Variants in LEKR1 observed in about 807,000 individuals in gnomAD.
LEKR1 encodes the protein leucine, glutamate and lysine rich 1.
A neutral mutation model predicts 72.4 loss-of-function variants in LEKR1; 59 were observed. The observed-to-expected ratio is 0.82, with a 90% CI of 0.66 to 1.01. The LOEUF is 1.01. LEKR1 is among the 50% of genes least tolerant of loss of function. The probability of loss-of-function intolerance (pLI) is 0.00; values close to 1 mark genes in which losing one functional copy is unlikely to be tolerated. For missense variants in LEKR1, 728 were observed against 759.2 expected, an observed-to-expected ratio of 0.96 and a Z score of 0.48; for synonymous variants, 257 against 263.2, an observed-to-expected ratio of 0.98 and a Z score of 0.23.
intron 12 of LEKR1, among the ~76,000 whole-genome samples, chr3:157,029,722 A>G (rs1734467319): frequency 6.6e-6 from 1 of 152,186 alleles, no homozygotes; most frequent in Non-Finnish European, 1.5e-5. Flanking sequence ...GCTCTGCTAG[A>G]GAAACCCTGA....
chr3:156,859,303 A>G (rs890278107), intron 3 of LEKR1, among the ~76,000 whole-genome samples: 4 of 152,206 alleles, frequency 2.6e-5, no homozygotes, highest in African/African-American at 9.6e-5. Flanking sequence ...ATATAAAACC[A>G]TCTTTTTAGA....
intron 12 of LEKR1, among the ~76,000 whole-genome samples, chr3:157,043,714 C>T (rs1160225352): frequency 6.6e-6 from 1 of 152,182 alleles, no homozygotes; most frequent in African/African-American, 2.4e-5. Flanking sequence ...TCTATTCCCT[C>T]CTCCCCTGCC....
chr3:156,994,318 C>T (rs1000361247), intron 9 of LEKR1, among the ~76,000 whole-genome samples: 1 of 152,094 alleles, frequency 6.6e-6, no homozygotes, highest in Admixed American at 6.6e-5. Context: ...CTTGCCAACA[C>T]TGTTCCCTGG....
chr3:156,903,972 C>G (rs1198303650), intron 3 of LEKR1, among the ~76,000 whole-genome samples: 3 of 152,150 alleles, frequency 2.0e-5, no homozygotes, highest in Non-Finnish European at 4.4e-5. Flanking sequence ...TGGAAAGAAA[C>G]AGTTCCTTGA....
intron 3 of LEKR1, among the ~76,000 whole-genome samples, chr3:156,890,867 T>A (rs976040139): frequency 6.6e-6 from 1 of 150,578 alleles, no homozygotes; most frequent in Non-Finnish European, 1.5e-5. Flanking sequence ...ATCCTTTTTT[T>A]TTTTTTTTTT....
intron 5 of LEKR1, among the ~76,000 whole-genome samples, chr3:156,937,245 T>C (rs115641741): frequency 0.013 from 2,036 of 152,182 alleles, 39 homozygotes; most frequent in African/African-American, 0.046. Context: ...AAAGCTACAG[T>C]ACAGACTAGG....
chr3:156,969,490 A>T (rs930566343), intron 6 of LEKR1, among the ~76,000 whole-genome samples: 15 of 152,204 alleles, frequency 9.9e-5, no homozygotes, highest in Non-Finnish European at 2.1e-4. Context: ...AATACTATAA[A>T]CACCTCTATG....
chr3:156,993,103 ACT>A lies in LEKR1; in HGVS notation c.938_939del (p.Ser313PhefsTer9). 6.2e-7 allele frequency: 1 copy of A among 1,603,880 alleles called. No individual in the cohort carries two copies. Among genetic ancestry groups the A allele is most frequent in the Non-Finnish European group, 8.5e-7 (1 of 1,176,620 alleles). The stretch of plus-strand genomic sequence containing the variant: ...ACTATGCTGCTTAAGGAAAAAGAAG[ACT>A]CTTTAATGACTTGTCAACAGATATA... On this transcript the variant is annotated frameshift_variant, in exon 9 of 13. Transcript: ENST00000356539. LOFTEE classifies it high-confidence loss of function.
chr3:156,832,025 C>G (rs1424090286), intron 2 of LEKR1, among the ~76,000 whole-genome samples: 1 of 152,188 alleles, frequency 6.6e-6, no homozygotes, highest in Non-Finnish European at 1.5e-5. Flanking sequence ...TCTTCCTGCT[C>G]ACAGGGGCAG....
intron 9 of LEKR1, among the ~76,000 whole-genome samples, chr3:157,001,724 G>A (rs1732030474): frequency 6.6e-6 from 1 of 152,140 alleles, no homozygotes; most frequent in Admixed American, 6.5e-5. Flanking sequence ...CATACTGCTG[G>A]CTGGCATAAG....
At chr3:156,973,616 G>A (rs943331863) in intron 6 of LEKR1, among the ~76,000 whole-genome samples, 15 of 152,094 alleles carry the variant, frequency 9.9e-5, no homozygotes, top group African/African-American at 3.6e-4. Context: ...ATTAAATTTT[G>A]AAATTGCCAA....
intron 10 of LEKR1, among the ~76,000 whole-genome samples, chr3:157,015,903 A>G (rs922625083): frequency 6.6e-6 from 1 of 152,176 alleles, no homozygotes; most frequent in African/African-American, 2.4e-5. Flanking sequence ...TTGACAGATG[A>G]AAATTAGATT....
intron 12 of LEKR1, among the ~76,000 whole-genome samples, chr3:157,032,746 G>C (rs2108040803): frequency 6.6e-6 from 1 of 152,216 alleles, no homozygotes; most frequent in African/African-American, 2.4e-5. Flanking sequence ...AGGAATTGGA[G>C]AAACTAGATG....
rs368833640 is a variant in LEKR1, at chr3:156,990,593, C to G, written c.828-2060C>G. ...TTAGGCCTTACCATTCTACTGTAAG[C>G]AAGATCCTACCTTCATCTATTTATT... is the stretch of plus-strand genomic sequence containing the variant. On this transcript the variant is annotated intron_variant, in intron 7 of 12. Transcript: ENST00000356539. Among the ~76,000 whole-genome samples, 24 of 152,280 alleles carry G rather than the reference C, an allele frequency of 1.6e-4. No individual in the cohort carries two copies. In the South Asian group the frequency reaches 3.9e-3, roughly 25 times the overall value.
At chr3:156,830,042 C>T (rs951760985) in intron 2 of LEKR1, among the ~76,000 whole-genome samples, 2 of 152,142 alleles carry the variant, frequency 1.3e-5, no homozygotes, top group African/African-American at 2.4e-5. Flanking sequence ...TGCACACAGA[C>T]ACTTAAGAAA....
intron 3 of LEKR1, among the ~76,000 whole-genome samples, chr3:156,893,520 G>T (rs1720866768): frequency 6.6e-6 from 1 of 152,102 alleles, no homozygotes; most frequent in Non-Finnish European, 1.5e-5. Context: ...GGTCATGGGG[G>T]TAGATCCCTC....
chr3:157,003,949 G>A (rs1576981259), intron 9 of LEKR1, among the ~76,000 whole-genome samples: 1 of 152,062 alleles, frequency 6.6e-6, no homozygotes, highest in South Asian at 2.1e-4. Flanking sequence ...GGGAAAAATA[G>A]GAAAGAAATG....
At position 156,942,484 on chromosome 3, in the gene LEKR1, T is replaced by A. The variant is rs188016739; in HGVS notation, c.560-45T>A. ...AATCAATCTTTAGAGAAATGTTTTA[T>A]GATTCAATTATTGGCTATTTGTAAA... On this transcript the variant is annotated intron_variant, in intron 5 of 12. Transcript: ENST00000356539. 8.7e-5 allele frequency: 55 copies of A among 630,708 alleles called. 1 individual carries two copies. The East Asian group carries it at 3.9e-3, about 45-fold the overall frequency. The allele number at this position is 630,708 out of a possible 1,614,324, so 39.1% of individuals were successfully genotyped here.
intron 12 of LEKR1, among the ~76,000 whole-genome samples, chr3:157,039,567 C>A (rs140304392): frequency 1.3e-5 from 2 of 152,136 alleles, no homozygotes; most frequent in Non-Finnish European, 2.9e-5. Context: ...TATAATGAGC[C>A]GTGATCGTGC....
Sources: gnomAD v4.1 joint callset for allele counts (sites outside exome capture counted in the v4.1 genomes callset) on GRCh38, gnomAD v4.1.1 for gene constraint, MANE v1.5 for transcripts, NCBI Gene and HGNC (gene_info 2026-07-23, HGNC 2026-07-21) for gene names.